GRID1: variants seen among roughly 807,000 people sequenced by gnomAD.
GRID1 encodes glutamate receptor ionotropic, delta-1.
A neutral mutation model predicts 98.0 loss-of-function variants in GRID1; 28 were observed. That is an observed-to-expected ratio of 0.29 (90% confidence interval 0.21 to 0.39). The LOEUF is 0.39. GRID1 is among the 10% of genes least tolerant of loss of function. GRID1 has a pLI of 1.00. For missense variants in GRID1, 1,111 were observed against 1,340.5 expected, an observed-to-expected ratio of 0.83 and a Z score of 2.67; for synonymous variants, 553 against 538.5, an observed-to-expected ratio of 1.03 and a Z score of -0.37.
chr10:85,640,741 C>A (rs1021275869), intron 13 of GRID1, among the ~76,000 whole-genome samples: 1 of 152,192 alleles, frequency 6.6e-6, no homozygotes, highest in Non-Finnish European at 1.5e-5. Context: ...AACCCTGTTA[C>A]AGAGCAGAAA....
chr10:85,890,891 A>G lies in GRID1; in HGVS notation c.781-21711T>C, dbSNP rs191417597. On this transcript the variant is annotated intron_variant, in intron 5 of 15. Coordinates refer to ENST00000327946, the MANE Select transcript of GRID1 (RefSeq NM_017551.3). ...TAATATTTTAAACTATGACCTGAGT[A>G]GCTATCTCCATAACACAAAGCCAAT... Among the ~76,000 whole-genome samples the G allele has an allele frequency of 1.7e-3, 257 of 152,356 alleles. 1 individual carries two copies. Among genetic ancestry groups the G allele is most frequent in the African/African-American group, 5.9e-3 (247 of 41,594 alleles).
intron 6 of GRID1, among the ~76,000 whole-genome samples, chr10:85,859,272 T>A (rs1843141645): frequency 6.6e-6 from 1 of 152,180 alleles, no homozygotes; most frequent in Non-Finnish European, 1.5e-5. Flanking sequence ...TAGACACATG[T>A]ATGCACAAAT....
At chr10:86,215,689 C>T (rs1375114519) in intron 2 of GRID1, among the ~76,000 whole-genome samples, 1 of 152,184 alleles carries the variant, frequency 6.6e-6, no homozygotes, top group Non-Finnish European at 1.5e-5. Flanking sequence ...CTGGGCTCCT[C>T]CTCAGCCCCA....
chr10:85,766,136 G>A (rs1369911999), intron 8 of GRID1, among the ~76,000 whole-genome samples: 1 of 152,180 alleles, frequency 6.6e-6, no homozygotes, highest in Non-Finnish European at 1.5e-5. Flanking sequence ...GCCAGCCATG[G>A]AAAAATCTTC....
In GRID1 at chr10:86,355,503, C is replaced by T. The variant is rs138054546; in HGVS notation, c.235+8438G>A. ...AGGGGCAGCCTGGGCTCAGGACCAC[C>T]CTAGTCCCCCAGCTAACACCCCCCA... is the stretch of plus-strand genomic sequence containing the variant. On this transcript the variant is annotated intron_variant, in intron 2 of 15. Coordinates refer to ENST00000327946, the MANE Select transcript of GRID1 (RefSeq NM_017551.3). 7.6e-3 allele frequency among the ~76,000 whole-genome samples: 1,155 copies of T among 152,292 alleles called. 17 individuals carry two copies. Among genetic ancestry groups the T allele is most frequent in the African/African-American group, 0.026 (1,093 of 41,546 alleles).
At chr10:86,314,453 C>T (rs1359137711) in intron 2 of GRID1, among the ~76,000 whole-genome samples, 3 of 152,238 alleles carry the variant, frequency 2.0e-5, no homozygotes, top group Admixed American at 1.3e-4. Flanking sequence ...CTCCCTGACC[C>T]CTCAGGGTGG....
chr10:85,970,056 CAAACT>C (rs1842386978), intron 4 of GRID1, among the ~76,000 whole-genome samples: 1 of 151,612 alleles, frequency 6.6e-6, no homozygotes, highest in Non-Finnish European at 1.5e-5. Flanking sequence ...TGTGTGACAA[CAAACT>C]AAATAAGCGA....
Position 85,627,450 on chromosome 10 carries a change from C to T in GRID1, c.2194-7417G>A, listed in dbSNP as rs1842925754. Among the ~76,000 whole-genome samples, 3 of 152,294 alleles carry T rather than the reference C, an allele frequency of 2.0e-5. No homozygotes were observed. In the South Asian group the frequency reaches 6.2e-4, roughly 32 times the overall value. On this transcript the variant is annotated intron_variant, in intron 13 of 15. Transcript: ENST00000327946. Reference sequence around the variant, plus strand: ...AGAACCTGTTACACTAGAGTATTGACATTGTGACCGCCTCTTAAATTATTA... The same window carrying T: ...AGAACCTGTTACACTAGAGTATTGATATTGTGACCGCCTCTTAAATTATTA...
intron 4 of GRID1, among the ~76,000 whole-genome samples, chr10:85,958,472 T>A (rs1038654673): frequency 6.6e-6 from 1 of 151,874 alleles, no homozygotes; most frequent in Admixed American, 6.6e-5. Context: ...TCTGTGAGGG[T>A]GTTTCTGGGT....
chr10:86,126,168 G>T (rs1844749082), intron 4 of GRID1, among the ~76,000 whole-genome samples: 1 of 152,148 alleles, frequency 6.6e-6, no homozygotes, highest in Admixed American at 6.5e-5. Flanking sequence ...AAAGAAACAG[G>T]AACTCGGCCG....
In GRID1 at chr10:86,150,418, A is replaced by G. The variant is rs1195753032; in HGVS notation, c.521-11394T>C. Among the ~76,000 whole-genome samples the G allele has an allele frequency of 2.6e-5, 4 of 152,342 alleles. No homozygotes were observed. The East Asian group carries it at 7.7e-4, about 29-fold the overall frequency. On this transcript the variant is annotated intron_variant, in intron 3 of 15. Transcript: ENST00000327946. ...AGAACACAGAGGAATGACCCACATCATTGCTTTGAGGGAGCTCTGGGTATT... is the reference window on the plus strand; with the variant it reads ...AGAACACAGAGGAATGACCCACATCGTTGCTTTGAGGGAGCTCTGGGTATT...
intron 8 of GRID1, among the ~76,000 whole-genome samples, chr10:85,810,703 C>T (rs975964303): frequency 1.3e-5 from 2 of 152,202 alleles, no homozygotes; most frequent in African/African-American, 4.8e-5. Context: ...TCTGCATCAT[C>T]ATATTCCCCA....
intron 2 of GRID1, among the ~76,000 whole-genome samples, chr10:86,361,462 C>A (rs1189135265): frequency 6.6e-6 from 1 of 152,192 alleles, no homozygotes; most frequent in Non-Finnish European, 1.5e-5. Flanking sequence ...ATCTAACTCC[C>A]TAGTTCCAGA....
intron 8 of GRID1, among the ~76,000 whole-genome samples, chr10:85,743,504 T>C (rs575604839): frequency 5.3e-5 from 8 of 152,210 alleles, no homozygotes; most frequent in African/African-American, 1.9e-4. Flanking sequence ...AATAAAAAAA[T>C]ATAAAATATG....
At chr10:86,089,735 C>T (rs1481107155) in intron 4 of GRID1, among the ~76,000 whole-genome samples, 2 of 152,008 alleles carry the variant, frequency 1.3e-5, no homozygotes, top group Middle Eastern at 6.8e-3. Context: ...TAAAGAAGGA[C>T]CAAACAAAAA....
intron 2 of GRID1, among the ~76,000 whole-genome samples, chr10:86,290,032 G>C (rs970665605): frequency 2.6e-5 from 4 of 151,570 alleles, no homozygotes; most frequent in African/African-American, 9.8e-5. Flanking sequence ...AGGCGTAACC[G>C]CTAGATCCAG....
At chr10:85,813,055 G>T (rs555988782) in intron 8 of GRID1, among the ~76,000 whole-genome samples, 1 of 151,582 alleles carries the variant, frequency 6.6e-6, no homozygotes, top group African/African-American at 2.4e-5. Flanking sequence ...AGAAAAGAAG[G>T]GGGAAAAGAT....
intron 12 of GRID1, among the ~76,000 whole-genome samples, chr10:85,658,046 A>G (rs1840922723): frequency 6.6e-6 from 1 of 152,326 alleles, no homozygotes; most frequent in Admixed American, 6.5e-5. Context: ...GGGGCTCTTA[A>G]TCAATTATGA....
rs368316920 is a variant in GRID1 at position 86,277,285 on chromosome 10, C to T, written c.236-70637G>A. ...TAAGATATGCTTAGATAAACAAAAG[C>T]TGAGTGCATTTCTTACCACTAGATC... is the stretch of plus-strand genomic sequence containing the variant. On this transcript the variant is annotated intron_variant, in intron 2 of 15. Transcript: ENST00000327946. Among the ~76,000 whole-genome samples the T allele has an allele frequency of 3.3e-5, 5 of 152,262 alleles. No individual in the cohort carries two copies. In the South Asian group the frequency reaches 6.2e-4, roughly 19 times the overall value.
Sources: allele counts gnomAD v4.1 joint callset (sites outside exome capture counted in the v4.1 genomes callset), GRCh38; gene constraint gnomAD v4.1.1; transcripts MANE v1.5; gene names NCBI Gene and HGNC (gene_info 2026-07-23, HGNC 2026-07-21).